DPYD: variants seen among roughly 807,000 people sequenced by gnomAD.
DPYD encodes dihydropyrimidine dehydrogenase [NADP(+)].
DPYD carries 109 observed loss-of-function variants against 116.2 expected under a neutral mutation model. The observed-to-expected ratio is 0.94, with a 90% CI of 0.80 to 1.10. DPYD has a LOEUF of 1.10. Ranked by LOEUF, DPYD falls within the 50% of genes least tolerant of loss-of-function variation. DPYD has a pLI of 0.00. For synonymous variants in DPYD, 440 were observed against 432.0 expected (o/e 1.02, Z -0.23); for missense variants, 1,302 against 1,254.5 (o/e 1.04, Z -0.57).
At chr1:97,306,043 T>G in intron 17 of DPYD, 134 bp downstream of exon 17, 1 of 1,389,060 alleles carries the variant, frequency 7.2e-7, no homozygotes, top group Non-Finnish European at 1.0e-6. Context: ...TGGGATCAAG[T>G]GCTCAACTGG....
intron 12 of DPYD, among the ~76,000 whole-genome samples, chr1:97,534,416 C>CA (rs1042035050): frequency 1.6e-4 from 24 of 151,420 alleles, no homozygotes; most frequent in Admixed American, 5.3e-4. Context: ...AGCTGGAACT[C>CA]AAAAAAAGAG....
intron 16 of DPYD, among the ~76,000 whole-genome samples, chr1:97,341,839 G>A (rs573436843): frequency 2.0e-5 from 3 of 152,276 alleles, no homozygotes; most frequent in African/African-American, 7.2e-5. Context: ...TCCTGGAGTC[G>A]ATTCCATGTT....
intron 2 of DPYD, among the ~76,000 whole-genome samples, chr1:97,839,391 TG>T (rs1669933009): frequency 6.6e-6 from 1 of 152,188 alleles, no homozygotes; most frequent in Admixed American, 6.5e-5. Context: ...TAGTTTTCCA[TG>T]CTCACACAAC....
rs1424893420 is a variant in DPYD at position 97,593,187 on chromosome 1, A to T, written c.1128+31T>A. On this transcript the variant is annotated intron_variant, in intron 10 of 22. Coordinates refer to ENST00000370192, the MANE Select transcript of DPYD (RefSeq NM_000110.4). ...CATCTCCTAAAATCTGTTGGAGTAC[A>T]ACTCCATATTTTCTGATGGTTCCAT... 4 of 1,606,466 alleles carry T rather than the reference A, an allele frequency of 2.5e-6. No homozygotes were observed. In the South Asian group the frequency reaches 4.4e-5, roughly 18 times the overall value.
chr1:97,357,957 G>A (rs1264230620), intron 16 of DPYD, among the ~76,000 whole-genome samples: 1 of 152,198 alleles, frequency 6.6e-6, no homozygotes, highest in African/African-American at 2.4e-5. Context: ...TGGTTGGACA[G>A]TGGGTGCAGC....
intron 13 of DPYD, among the ~76,000 whole-genome samples, chr1:97,478,594 A>G (rs1281059004): frequency 6.6e-6 from 1 of 152,182 alleles, no homozygotes; most frequent in Non-Finnish European, 1.5e-5. Flanking sequence ...CCAATTTAGC[A>G]TAATTCTTAA....
intron 20 of DPYD, among the ~76,000 whole-genome samples, 165 bp downstream of exon 20, chr1:97,192,904 C>G (rs1049526628): frequency 1.3e-5 from 2 of 152,190 alleles, no homozygotes; most frequent in African/African-American, 4.8e-5. Flanking sequence ...ACAGACCCAT[C>G]ATATGGCTGT....
intron 8 of DPYD, among the ~76,000 whole-genome samples, chr1:97,672,047 T>C (rs1323777402): frequency 6.6e-6 from 1 of 150,404 alleles, no homozygotes; most frequent in African/African-American, 2.4e-5. Context: ...CACGCTCATC[T>C]CCCATAATCA....
At chr1:97,919,818 T>TTC (rs1420965024) in intron 1 of DPYD, among the ~76,000 whole-genome samples, 1 of 152,204 alleles carries the variant, frequency 6.6e-6, no homozygotes, top group Non-Finnish European at 1.5e-5. Context: ...AAAATGATTT[T>TTC]TCAAACCAAG....
chr1:97,824,223 C>G (rs540313494), intron 3 of DPYD, among the ~76,000 whole-genome samples: 4 of 152,058 alleles, frequency 2.6e-5, no homozygotes, highest in African/African-American at 9.7e-5. Context: ...TCAAATTATA[C>G]TTTTTAGTTT....
chr1:97,486,551 G>C (rs964862501), intron 13 of DPYD, among the ~76,000 whole-genome samples: 10 of 152,002 alleles, frequency 6.6e-5, no homozygotes, highest in African/African-American at 2.4e-4. Flanking sequence ...TTAAGAGACT[G>C]TTACTCATTT....
chr1:97,087,932 T>C (rs1035036288), intron 21 of DPYD, among the ~76,000 whole-genome samples: 1 of 152,252 alleles, frequency 6.6e-6, no homozygotes, highest in East Asian at 1.9e-4. Flanking sequence ...TGTTGCTATT[T>C]TTCCTAATAT....
intron 14 of DPYD, among the ~76,000 whole-genome samples, chr1:97,440,898 G>A (rs1343483305): frequency 6.6e-6 from 1 of 152,040 alleles, no homozygotes; most frequent in East Asian, 1.9e-4. Flanking sequence ...CTTTTATTGT[G>A]CTTGAAAAAT....
At chr1:97,762,408 G>C (rs1414697007) in intron 3 of DPYD, among the ~76,000 whole-genome samples, 1 of 152,002 alleles carries the variant, frequency 6.6e-6, no homozygotes, top group East Asian at 1.9e-4. Context: ...ACTCAATTCT[G>C]GTGTCAGTAT....
chr1:97,213,991 G>C (rs1660212246), intron 19 of DPYD, among the ~76,000 whole-genome samples: 1 of 152,118 alleles, frequency 6.6e-6, no homozygotes, highest in South Asian at 2.1e-4. Flanking sequence ...AGCTTTAGAA[G>C]ATGTTTTGCA....
chr1:97,411,426 CAAG>C (rs1418034168), intron 14 of DPYD, among the ~76,000 whole-genome samples: 45 of 151,866 alleles, frequency 3.0e-4, no homozygotes, highest in African/African-American at 1.0e-3. Context: ...TCTTTCTGTA[CAAG>C]AAGGTATTTC....
chr1:97,492,967 C>T (rs952953460), intron 13 of DPYD, among the ~76,000 whole-genome samples: 1 of 152,050 alleles, frequency 6.6e-6, no homozygotes, highest in Non-Finnish European at 1.5e-5. Flanking sequence ...CTAATGATAC[C>T]GAAGGGGAAA....
intron 11 of DPYD, among the ~76,000 whole-genome samples, chr1:97,560,736 T>G (rs1335884953): frequency 6.6e-6 from 1 of 152,028 alleles, no homozygotes; most frequent in Admixed American, 6.6e-5. Flanking sequence ...TGGTTATGAA[T>G]AGGGTTACAT....
At chr1:97,878,633 C>A (rs758180589) in intron 2 of DPYD, among the ~76,000 whole-genome samples, 1 of 151,974 alleles carries the variant, frequency 6.6e-6, no homozygotes, top group Non-Finnish European at 1.5e-5. Context: ...GTCTTCATCA[C>A]CTGTCTTCCA....
Sources: gnomAD v4.1 joint callset for allele counts (sites outside exome capture counted in the v4.1 genomes callset) on GRCh38, gnomAD v4.1.1 for gene constraint, MANE v1.5 for transcripts, NCBI Gene and HGNC (gene_info 2026-07-23, HGNC 2026-07-21) for gene names.